CTNNA2: variants seen among roughly 807,000 people sequenced by gnomAD.
CTNNA2 encodes catenin alpha-2.
CTNNA2 carries 42 observed loss-of-function variants against 101.0 expected under a neutral mutation model. The observed-to-expected ratio is 0.42, with a 90% CI of 0.32 to 0.54. The LOEUF is 0.54. CTNNA2 is among the 20% of genes least tolerant of loss of function. CTNNA2 has a pLI of 0.14. For synonymous variants in CTNNA2, 450 were observed against 456.4 expected (o/e 0.99, Z 0.18); for missense variants, 871 against 1,223.1 (o/e 0.71, Z 4.29).
At chr2:79,512,343 T>G (rs551085343), upstream of CTNNA2, among the ~76,000 whole-genome samples, 16 of 152,212 alleles carry the variant, frequency 1.1e-4, no homozygotes, top group Non-Finnish European at 1.8e-4. Context: ...AACAAAGGCT[T>G]GTTAAATGAG....
intron 11 of CTNNA2, among the ~76,000 whole-genome samples, chr2:80,554,384 T>C (rs144676004): frequency 6.6e-6 from 1 of 152,350 alleles, no homozygotes; most frequent in African/African-American, 2.4e-5. Flanking sequence ...ACTTTAAAAA[T>C]ATATTTATCA....
chr2:79,707,515 C>T (rs1685460375), intron 2 of CTNNA2, among the ~76,000 whole-genome samples: 1 of 152,200 alleles, frequency 6.6e-6, no homozygotes, highest in South Asian at 2.1e-4. Context: ...CTGTGTATTT[C>T]CTGCATTGGC....
At position 79,878,223 on chromosome 2, in the gene CTNNA2, GCAT is replaced by G. The variant is rs1683170689; in HGVS notation, c.852+3882_852+3884del. On this transcript the variant is annotated intron_variant, in intron 6 of 18. Coordinates refer to ENST00000402739, the MANE Select transcript of CTNNA2 (RefSeq NM_001282597.3). Reference sequence around the variant, plus strand: ...TCTTTATCCAGTCTATCATTGGTGGGCATTTGGGTTGGTTCCATAACTTTGCCA... The same window carrying G: ...TCTTTATCCAGTCTATCATTGGTGGGTTGGGTTGGTTCCATAACTTTGCCA... Among the ~76,000 whole-genome samples the G allele has an allele frequency of 2.0e-5, 3 of 152,140 alleles. No individual in the cohort carries two copies. The South Asian group carries it at 6.2e-4, about 31-fold the overall frequency.
intron 2 of CTNNA2, among the ~76,000 whole-genome samples, chr2:79,674,191 G>A (rs188995659): frequency 1.5e-4 from 23 of 152,246 alleles, no homozygotes; most frequent in Admixed American, 1.4e-3. Context: ...AAATAAATAT[G>A]AGCCCTAGAC....
intron 3 of CTNNA2, among the ~76,000 whole-genome samples, chr2:79,848,869 G>T (rs1030288575): frequency 1.3e-5 from 2 of 152,144 alleles, no homozygotes; most frequent in African/African-American, 4.8e-5. Flanking sequence ...GTTAGGTGAG[G>T]AGAGTTTGAT....
At chr2:79,428,070 T>C (rs989814499) in intron 4 of CTNNA2, among the ~76,000 whole-genome samples, 1 of 152,170 alleles carries the variant, frequency 6.6e-6, no homozygotes, top group Non-Finnish European at 1.5e-5. Context: ...TTAATGTCTT[T>C]GCTTTTTATA....
At chr2:80,131,014 T>C (rs922085142) in intron 7 of CTNNA2, among the ~76,000 whole-genome samples, 2 of 152,112 alleles carry the variant, frequency 1.3e-5, no homozygotes, top group Non-Finnish European at 2.9e-5. Flanking sequence ...GCATATGGTT[T>C]AGTTCATTTT....
intron 9 of CTNNA2, among the ~76,000 whole-genome samples, chr2:80,433,283 G>A (rs7571461): frequency 2.6e-5 from 4 of 152,020 alleles, no homozygotes; most frequent in African/African-American, 9.7e-5. Flanking sequence ...GCTGGCCAAC[G>A]TCTTAGCCTC....
chr2:79,865,489 A>G (rs1258219126), intron 4 of CTNNA2, among the ~76,000 whole-genome samples: 1 of 152,200 alleles, frequency 6.6e-6, no homozygotes. Context: ...TAACAATAGT[A>G]AACCCTGGAA....
intron 2 of CTNNA2, among the ~76,000 whole-genome samples, chr2:79,270,027 T>A (rs749552170): frequency 6.6e-6 from 1 of 152,132 alleles, no homozygotes; most frequent in Non-Finnish European, 1.5e-5. Flanking sequence ...CTCTCCCCAC[T>A]TATTGTCTGT....
intron 3 of CTNNA2, among the ~76,000 whole-genome samples, chr2:79,313,491 GA>G (rs1216518856): frequency 6.6e-6 from 1 of 152,176 alleles, no homozygotes; most frequent in Non-Finnish European, 1.5e-5. Context: ...ATTAGGTGCA[GA>G]GGGGCAAAGC....
intron 7 of CTNNA2, among the ~76,000 whole-genome samples, chr2:80,171,897 TG>T (rs1047139388): frequency 8.5e-5 from 13 of 152,188 alleles, no homozygotes; most frequent in African/African-American, 2.9e-4. Context: ...ATCTCTGCTG[TG>T]GGGGATCCAT....
At chr2:79,304,846 A>T (rs992221299) in intron 2 of CTNNA2, among the ~76,000 whole-genome samples, 3 of 152,174 alleles carry the variant, frequency 2.0e-5, no homozygotes, top group Non-Finnish European at 4.4e-5. Flanking sequence ...AAAGATCTGG[A>T]CAGTGAGGCA....
chr2:80,630,336 AGTCTCTCT>A (rs1164638930), intron 18 of CTNNA2, among the ~76,000 whole-genome samples: 9 of 152,132 alleles, frequency 5.9e-5, no homozygotes, highest in South Asian at 2.1e-4. Context: ...ATATTTACCT[AGTCTCTCT>A]GTCTCTCTGT....
intron 1 of CTNNA2, among the ~76,000 whole-genome samples, chr2:79,629,389 T>A (rs13003154): frequency 0.096 from 14,644 of 152,238 alleles, 779 homozygotes; most frequent in African/African-American, 0.15. Flanking sequence ...TGGCCACATA[T>A]TGGCCATCTT....
At chr2:80,052,918 A>G (rs1222245497) in intron 7 of CTNNA2, among the ~76,000 whole-genome samples, 1 of 152,192 alleles carries the variant, frequency 6.6e-6, no homozygotes, top group Non-Finnish European at 1.5e-5. Context: ...CACCTAATAG[A>G]GCTGAACTAA....
At chr2:80,609,314 A>G (rs189445688) in intron 17 of CTNNA2, among the ~76,000 whole-genome samples, 1 of 151,902 alleles carries the variant, frequency 6.6e-6, no homozygotes, top group Admixed American at 6.6e-5. Context: ...ATCATTCTTG[A>G]ACCCAACTGT....
intron 2 of CTNNA2, among the ~76,000 whole-genome samples, chr2:79,719,654 A>T (rs1686348734): frequency 6.6e-6 from 1 of 152,130 alleles, no homozygotes; most frequent in African/African-American, 2.4e-5. Flanking sequence ...ATTAATGATG[A>T]TGACAATTTT....
intron 7 of CTNNA2, among the ~76,000 whole-genome samples, chr2:80,056,449 G>T (rs1326536300): frequency 1.3e-5 from 2 of 152,314 alleles, no homozygotes; most frequent in Middle Eastern, 3.4e-3. Context: ...GGCAGTCTTT[G>T]CATGGACTGT....
Sources: gnomAD v4.1 joint callset for allele counts (sites outside exome capture counted in the v4.1 genomes callset) on GRCh38, gnomAD v4.1.1 for gene constraint, MANE v1.5 for transcripts, NCBI Gene and HGNC (gene_info 2026-07-23, HGNC 2026-07-21) for gene names.